The following DOCK3 variants were observed in gnomAD, a reference collection of about 807,000 sequenced individuals.
DOCK3 encodes the protein dedicator of cytokinesis 3.
A neutral mutation model predicts 265.6 loss-of-function variants in DOCK3; 60 were observed. That is an observed-to-expected ratio of 0.23 (90% CI 0.18 to 0.28). The LOEUF is 0.28. DOCK3 is among the 10% of genes least tolerant of loss of function. The pLI is 1.00. For missense variants in DOCK3, 1,981 were observed against 2,594.3 expected (o/e 0.76, Z 5.14); for synonymous variants, 881 against 938.0 (o/e 0.94, Z 1.11).
intron 23 of DOCK3, among the ~76,000 whole-genome samples, chr3:51,262,285 G>A (rs1392618767): frequency 1.3e-5 from 2 of 152,194 alleles, no homozygotes; most frequent in Non-Finnish European, 2.9e-5. Flanking sequence ...GGTCTGAAGT[G>A]GACCTCCAGC....
chr3:51,226,181 A>G (rs1275187943), intron 15 of DOCK3, among the ~76,000 whole-genome samples: 6 of 152,204 alleles, frequency 3.9e-5, no homozygotes, highest in Admixed American at 1.3e-4. Context: ...AACTTAGACA[A>G]TCACTTCCTG....
rs139437595 is a variant in DOCK3 at position 51,275,196 on chromosome 3, C to T, written c.2666C>T (p.Thr889Ile). 3.1e-6 allele frequency: 5 copies of T among 1,613,950 alleles called. No homozygotes were observed. Among genetic ancestry groups the T allele is most frequent in the Non-Finnish European group, 4.2e-6 (5 of 1,179,876 alleles). Residue 889 changes from threonine to isoleucine, a missense_variant, in exon 25 of 53, where the codon ACC becomes ATC. Physicochemically the swap from Thr to Ile is moderately conservative, Grantham distance 89 (BLOSUM62 -1). Transcript: ENST00000266037. The part of the protein sequence containing the change: ...ILGSIFSIVK[T>I]SSLEADVMEE... ...GGCAGCATCTTCTCCATCGTCAAGACCAGCTCTCTGGTAGTGGCCCCACAC... is the reference window on the plus strand; with the variant it reads ...GGCAGCATCTTCTCCATCGTCAAGATCAGCTCTCTGGTAGTGGCCCCACAC...
At chr3:50,937,151 C>T (rs897131857) in intron 5 of DOCK3, among the ~76,000 whole-genome samples, 12 of 151,604 alleles carry the variant, frequency 7.9e-5, no homozygotes, top group Non-Finnish European at 1.5e-5. Flanking sequence ...GTGGTGCATG[C>T]TTGTATTCCC....
intron 5 of DOCK3, among the ~76,000 whole-genome samples, chr3:50,956,919 G>C (rs899578080): frequency 1.3e-5 from 2 of 152,114 alleles, no homozygotes; most frequent in South Asian, 2.1e-4. Flanking sequence ...CTGGAGTGCA[G>C]TGACGCCATT....
intron 24 of DOCK3, among the ~76,000 whole-genome samples, chr3:51,271,725 C>A (rs1010293166): frequency 3.9e-5 from 6 of 152,140 alleles, no homozygotes; most frequent in Non-Finnish European, 5.9e-5. Context: ...GTGGCAGGCA[C>A]CTGTAATCCC....
At chr3:50,901,790 T>C in intron 4 of DOCK3, 6 of 421,462 alleles carry the variant, frequency 1.4e-5, no homozygotes, top group South Asian at 1.1e-4. Context: ...GCTCTCCCTC[T>C]GTGGGTTGCA....
At chr3:50,803,539 C>T (rs1304107034) in intron 2 of DOCK3, among the ~76,000 whole-genome samples, 1 of 151,758 alleles carries the variant, frequency 6.6e-6, no homozygotes, top group Non-Finnish European at 1.5e-5. Flanking sequence ...CCCTTCCACT[C>T]AACAAAACTG....
At chr3:50,733,159 C>T (rs1239485211) in intron 1 of DOCK3, among the ~76,000 whole-genome samples, 1 of 152,082 alleles carries the variant, frequency 6.6e-6, no homozygotes, top group African/African-American at 2.4e-5. Context: ...TATGGTATAT[C>T]CTAGAGAATG....
chr3:50,926,344 C>G (rs1488963604), intron 4 of DOCK3, among the ~76,000 whole-genome samples: 1 of 152,172 alleles, frequency 6.6e-6, no homozygotes, highest in African/African-American at 2.4e-5. Context: ...TTTGAGCATA[C>G]AGGCCAAGGG....
chr3:51,351,661 T>C (rs2085992665), intron 40 of DOCK3, among the ~76,000 whole-genome samples: 1 of 150,340 alleles, frequency 6.7e-6, no homozygotes, highest in Non-Finnish European at 1.5e-5. Flanking sequence ...CTTTTTTTTT[T>C]TTTTTTTTTT....
At chr3:50,746,676 G>A (rs1342966727) in intron 1 of DOCK3, among the ~76,000 whole-genome samples, 2 of 152,122 alleles carry the variant, frequency 1.3e-5, no homozygotes, top group Admixed American at 6.6e-5. Flanking sequence ...ATCTGCTTAT[G>A]GTGAGGGCCT....
chr3:51,360,558 C>A lies in DOCK3; in HGVS notation c.4932C>A (p.Ser1644Arg). 1 of 1,613,210 alleles carries A rather than the reference C, an allele frequency of 6.2e-7. No individual in the cohort carries two copies. The highest frequency in any genetic ancestry group is 8.5e-7 in the Non-Finnish European group (1 of 1,179,588). Residue 1644 changes from serine to arginine, a missense_variant, in exon 47 of 53, where the codon AGC becomes AGA. Ser to Arg is a moderately radical substitution (Grantham distance 110). Transcript: ENST00000266037. ...DKLSPACSGT[S>R]TPRGNVLASH... ...TAAGTCCTGCATGTTCAGGCACCAGCACCCCACGGGGAAATGTTCTGGCAT... is the reference window on the plus strand; with the variant it reads ...TAAGTCCTGCATGTTCAGGCACCAGAACCCCACGGGGAAATGTTCTGGCAT...
intron 2 of DOCK3, among the ~76,000 whole-genome samples, chr3:50,822,752 C>T (rs2044519180): frequency 1.3e-5 from 2 of 152,178 alleles, no homozygotes; most frequent in African/African-American, 4.8e-5. Flanking sequence ...CCTCGGCCTC[C>T]TAAAATGCTG....
At chr3:50,940,546 T>C (rs1261830996) in intron 5 of DOCK3, among the ~76,000 whole-genome samples, 3 of 152,206 alleles carry the variant, frequency 2.0e-5, no homozygotes, top group Non-Finnish European at 4.4e-5. Context: ...ACAAGCTGAT[T>C]CTAAAATTTA....
At chr3:50,768,742 T>C (rs542652692) in intron 1 of DOCK3, among the ~76,000 whole-genome samples, 115 of 152,348 alleles carry the variant, frequency 7.5e-4, no homozygotes, top group Non-Finnish European at 1.3e-3. Context: ...TCTGACATCC[T>C]GATTTAATTT....
chr3:51,376,534 A>T (rs1195977964), intron 51 of DOCK3, among the ~76,000 whole-genome samples: 2 of 152,172 alleles, frequency 1.3e-5, no homozygotes, highest in African/African-American at 4.8e-5. Flanking sequence ...ATCTGAGTTA[A>T]TTTTAACAGA....
At chr3:51,083,794 C>T (rs1222179117) in intron 7 of DOCK3, among the ~76,000 whole-genome samples, 1 of 152,060 alleles carries the variant, frequency 6.6e-6, no homozygotes, top group African/African-American at 2.4e-5. Context: ...ACCAGCCTGA[C>T]CAACATGGTG....
chr3:51,111,100 G>A (rs750315158), intron 9 of DOCK3, among the ~76,000 whole-genome samples: 6 of 152,070 alleles, frequency 3.9e-5, no homozygotes, highest in Non-Finnish European at 5.9e-5. Context: ...CAAAAATAAA[G>A]TATGTAGGAA....
At chr3:51,333,916 C>G (rs1430941533) in intron 35 of DOCK3, among the ~76,000 whole-genome samples, 1 of 151,776 alleles carries the variant, frequency 6.6e-6, no homozygotes, top group African/African-American at 2.4e-5. Context: ...TCATGGCTCA[C>G]TGCAGCCTCG....
Sources: allele counts gnomAD v4.1 joint callset (sites outside exome capture counted in the v4.1 genomes callset), GRCh38; gene constraint gnomAD v4.1.1; transcripts MANE v1.5; gene names NCBI Gene and HGNC (gene_info 2026-07-23, HGNC 2026-07-21).